The following TNPO1 variants were observed in gnomAD, a reference collection of about 807,000 sequenced individuals.
TNPO1 encodes transportin-1.
TNPO1 carries 8 observed loss-of-function variants against 119.5 expected under a neutral mutation model. That is an observed-to-expected ratio of 0.07 (90% confidence interval 0.04 to 0.12). TNPO1 has a LOEUF of 0.12. Ranked by LOEUF, TNPO1 falls within the 10% of genes least tolerant of loss-of-function variation. The pLI is 1.00. For synonymous variants in TNPO1, 362 were observed against 363.0 expected (o/e 1.00, Z 0.03); for missense variants, 576 against 1,089.8 (o/e 0.53, Z 6.64).
intron 22 of TNPO1, among the ~76,000 whole-genome samples, chr5:72,902,933 C>G (rs544580715): frequency 2.0e-5 from 3 of 152,008 alleles, no homozygotes; most frequent in South Asian, 2.1e-4. Flanking sequence ...GTAGTATTAC[C>G]AAATTTTTTG....
Position 72,872,622 on chromosome 5 carries a change from T to C in TNPO1, c.597-17T>C, listed in dbSNP as rs1366962481. On this transcript the variant is annotated splice_polypyrimidine_tract_variant and intron_variant, in intron 6 of 24. Coordinates refer to ENST00000337273, the MANE Select transcript of TNPO1 (RefSeq NM_002270.4). ...AGTTACAATGAGCATATGTTAAATTTTAAACTTTGTTTCTAGGTCTCACGC... is the reference window on the plus strand; with the variant it reads ...AGTTACAATGAGCATATGTTAAATTCTAAACTTTGTTTCTAGGTCTCACGC... 5.7e-6 allele frequency: 9 copies of C among 1,585,684 alleles called. No individual in the cohort carries two copies. The highest frequency in any genetic ancestry group is 1.4e-5 in the African/African-American group (1 of 73,958).
intron 22 of TNPO1, 42 bp downstream of exon 22, chr5:72,901,115 A>C (rs775582420): frequency 1.7e-5 from 23 of 1,335,118 alleles, no homozygotes; most frequent in Non-Finnish European, 2.4e-5. Flanking sequence ...TCTAATTAAT[A>C]AAATTTTAAA....
chr5:72,849,747 A>G (rs1745407318), intron 2 of TNPO1, among the ~76,000 whole-genome samples: 1 of 152,324 alleles, frequency 6.6e-6, no homozygotes, highest in South Asian at 2.1e-4. Flanking sequence ...CACTTTTGGA[A>G]TGTATTGCCG....
At chr5:72,849,664 G>A (rs1745401798) in intron 2 of TNPO1, among the ~76,000 whole-genome samples, 1 of 152,196 alleles carries the variant, frequency 6.6e-6, no homozygotes, top group Admixed American at 6.5e-5. Flanking sequence ...AAAAGTGGAA[G>A]GGATAATGAT....
intron 1 of TNPO1, among the ~76,000 whole-genome samples, chr5:72,824,351 GTT>G (rs1270173990): frequency 6.6e-6 from 1 of 152,132 alleles, no homozygotes; most frequent in African/African-American, 2.4e-5. Flanking sequence ...TCTCAAAATA[GTT>G]GTCTGTACTT....
intron 5 of TNPO1, chr5:72,862,455 T>C (rs1038698728): frequency 6.5e-6 from 1 of 153,838 alleles, no homozygotes; most frequent in Non-Finnish European, 1.4e-5. Context: ...CCCAAAGTAG[T>C]GGGGACTACA....
At position 72,890,679 on chromosome 5, in the gene TNPO1, T is replaced by C. The variant is rs148576571; in HGVS notation, c.1701+722T>C. 2.0e-3 allele frequency among the ~76,000 whole-genome samples: 303 copies of C among 152,326 alleles called. 3 individuals are homozygous for C. Among genetic ancestry groups the C allele is most frequent in the African/African-American group, 7.0e-3 (293 of 41,574 alleles). On this transcript the variant is annotated intron_variant, in intron 14 of 24. Transcript: ENST00000337273. ...TTGTTTTCTGAATGTCTTTAGAGTC[T>C]GTGCCCCTGTTTACATGATCACTAT...
intron 15 of TNPO1, among the ~76,000 whole-genome samples, chr5:72,892,273 A>G (rs1330219286): frequency 6.6e-6 from 1 of 151,962 alleles, no homozygotes; most frequent in African/African-American, 2.4e-5. Flanking sequence ...TTCCATGTGT[A>G]CTTAACTACT....
chr5:72,904,612 A>T (rs150428208), intron 23 of TNPO1, among the ~76,000 whole-genome samples: 1 of 152,194 alleles, frequency 6.6e-6, no homozygotes, highest in Non-Finnish European at 1.5e-5. Context: ...CCTGGCCAAC[A>T]TGGTGAAACG....
At chr5:72,841,514 G>A (rs2112219235) in intron 1 of TNPO1, among the ~76,000 whole-genome samples, 1 of 151,732 alleles carries the variant, frequency 6.6e-6, no homozygotes, top group South Asian at 2.1e-4. Flanking sequence ...ACCACGCCTG[G>A]CTAATTTTTG....
intron 18 of TNPO1, 35 bp downstream of exon 18, chr5:72,893,738 T>A (rs757469630): frequency 1.4e-5 from 22 of 1,572,840 alleles, no homozygotes; most frequent in Admixed American, 3.5e-5. Context: ...AATATGGTTT[T>A]TTAAAGTTAA....
At chr5:72,847,467 CT>C (rs1745183757) in intron 1 of TNPO1, among the ~76,000 whole-genome samples, 1 of 152,246 alleles carries the variant, frequency 6.6e-6, no homozygotes, top group Admixed American at 6.5e-5. Context: ...TTGCTCAGAT[CT>C]TTTTTAGCTT....
chr5:72,845,955 A>G (rs1278340618), intron 1 of TNPO1, among the ~76,000 whole-genome samples: 2 of 152,116 alleles, frequency 1.3e-5, no homozygotes, highest in Admixed American at 1.3e-4. Context: ...CAACTCTAAT[A>G]TTACTAAGGC....
At chr5:72,898,468 G>A (rs1749597274) in intron 20 of TNPO1, among the ~76,000 whole-genome samples, 1 of 152,022 alleles carries the variant, frequency 6.6e-6, no homozygotes, top group Admixed American at 6.5e-5. Context: ...AAACACACTT[G>A]GGATTCATTA....
At chr5:72,873,039 C>G (rs1580433528) in intron 7 of TNPO1, among the ~76,000 whole-genome samples, 1 of 152,022 alleles carries the variant, frequency 6.6e-6, no homozygotes, top group East Asian at 1.9e-4. Context: ...ATATGGAAAC[C>G]AAGTCCCTCA....
At chr5:72,889,757 A>G in intron 13 of TNPO1, 29 bp from the exon 14 acceptor site, 1 of 1,525,768 alleles carries the variant, frequency 6.6e-7, no homozygotes, top group Non-Finnish European at 8.9e-7. Context: ...TACAGTCAAT[A>G]AGTATTCTTT....
chr5:72,902,553 A>G (rs1230318265), intron 22 of TNPO1, among the ~76,000 whole-genome samples: 1 of 151,880 alleles, frequency 6.6e-6, no homozygotes, highest in African/African-American at 2.4e-5. Flanking sequence ...GTGATCTCAA[A>G]TGTGTGCTAG....
intron 20 of TNPO1, 70 bp from the exon 21 acceptor site, chr5:72,899,936 T>A (rs1749694451): frequency 8.3e-7 from 1 of 1,198,072 alleles, no homozygotes; most frequent in South Asian, 1.3e-5. Context: ...TTATTTTTTC[T>A]CCTTCCCCCT....
chr5:72,852,779 T>C (rs1260676792), intron 3 of TNPO1, among the ~76,000 whole-genome samples: 3 of 152,238 alleles, frequency 2.0e-5, no homozygotes, highest in African/African-American at 7.2e-5. Flanking sequence ...ATTTGGGGGA[T>C]TTTAATTTGT....
Sources: gnomAD v4.1 joint callset for allele counts (sites outside exome capture counted in the v4.1 genomes callset) on GRCh38, gnomAD v4.1.1 for gene constraint, MANE v1.5 for transcripts, NCBI Gene and HGNC (gene_info 2026-07-23, HGNC 2026-07-21) for gene names.